The following CDH12 variants were observed in gnomAD, a reference collection of about 807,000 sequenced individuals.
CDH12 encodes cadherin 12.
Under a neutral mutation model 74.1 loss-of-function variants are expected in CDH12, and 41 were observed. The observed-to-expected ratio is 0.55, with a 90% confidence interval of 0.43 to 0.72. The LOEUF is 0.72. CDH12 is among the 30% of genes least tolerant of loss of function. The pLI is 0.00. For synonymous variants in CDH12, 399 were observed against 355.0 expected (o/e 1.12, Z -1.39); for missense variants, 945 against 977.2 (o/e 0.97, Z 0.44).
chr5:22,240,646 G>A (rs535597017), intron 3 of CDH12, among the ~76,000 whole-genome samples: 2 of 152,246 alleles, frequency 1.3e-5, no homozygotes, highest in East Asian at 1.9e-4. Flanking sequence ...TGATTCTCCA[G>A]CCTCAGCTTC....
In CDH12 at chr5:22,325,764, C is replaced by T. The variant is rs548041673; in HGVS notation, c.-333+79493G>A. On this transcript the variant is annotated intron_variant, in intron 3 of 14. Transcript: ENST00000382254. ...TCTACTAAAAATACAAAAAATTAGC[C>T]GGGCGTGGTAGCGGTCATCTGTAGT... Among the ~76,000 whole-genome samples, 48 of 152,108 alleles carry T rather than the reference C, an allele frequency of 3.2e-4. No individual in the cohort carries two copies. The South Asian group carries it at 8.1e-3, about 26-fold the overall frequency.
chr5:22,811,450 A>T (rs1749145930), intron 1 of CDH12, among the ~76,000 whole-genome samples: 1 of 152,116 alleles, frequency 6.6e-6, no homozygotes, highest in Non-Finnish European at 1.5e-5. Context: ...AGAGACTGAT[A>T]GTCATACCAC....
chr5:22,448,637 T>C (rs1002647101), intron 2 of CDH12, among the ~76,000 whole-genome samples: 2 of 152,090 alleles, frequency 1.3e-5, no homozygotes, highest in African/African-American at 4.8e-5. Context: ...CCAGATATGG[T>C]AGAATGAGGT....
At chr5:21,884,125 A>G in intron 6 of CDH12, 1 of 1,494,072 alleles carries the variant, frequency 6.7e-7, no homozygotes, top group South Asian at 1.1e-5. Flanking sequence ...GATTTTATGA[A>G]TATGGTAGAA....
At chr5:22,841,812 C>T (rs1737094653) in intron 1 of CDH12, among the ~76,000 whole-genome samples, 1 of 152,104 alleles carries the variant, frequency 6.6e-6, no homozygotes, top group Admixed American at 6.6e-5. Flanking sequence ...GTAGTCTACA[C>T]TTATGCATTT....
At chr5:22,174,929 C>G (rs367573357) in intron 4 of CDH12, among the ~76,000 whole-genome samples, 2 of 151,858 alleles carry the variant, frequency 1.3e-5, no homozygotes, top group Non-Finnish European at 1.5e-5. Flanking sequence ...ACACTAACAA[C>G]CATCTCAAGG....
chr5:22,504,907 C>T (rs1387502999), intron 2 of CDH12, among the ~76,000 whole-genome samples: 6 of 151,606 alleles, frequency 4.0e-5, no homozygotes, highest in Admixed American at 2.6e-4. Flanking sequence ...GACAAAGCAT[C>T]ATAAAAAAAC....
intron 4 of CDH12, among the ~76,000 whole-genome samples, chr5:22,088,125 G>A (rs1286763855): frequency 6.6e-6 from 1 of 152,148 alleles, no homozygotes; most frequent in Non-Finnish European, 1.5e-5. Flanking sequence ...GAATGGCAGA[G>A]TAAAGAGTTA....
chr5:21,809,587 A>C (rs1747633917), intron 9 of CDH12, among the ~76,000 whole-genome samples: 1 of 152,176 alleles, frequency 6.6e-6, no homozygotes, highest in African/African-American at 2.4e-5. Context: ...TATTTGTAGA[A>C]TCAGTAAAAC....
At chr5:22,850,566 G>A (rs1310037177) in intron 1 of CDH12, among the ~76,000 whole-genome samples, 1 of 151,898 alleles carries the variant, frequency 6.6e-6, no homozygotes, top group African/African-American at 2.4e-5. Flanking sequence ...ACACAAATAG[G>A]AATATCAATT....
chr5:22,500,640 A>T (rs1747292764), intron 2 of CDH12, among the ~76,000 whole-genome samples: 1 of 152,176 alleles, frequency 6.6e-6, no homozygotes, highest in South Asian at 2.1e-4. Context: ...AGAGGCCTTA[A>T]AAACTCTGAC....
intron 6 of CDH12, among the ~76,000 whole-genome samples, chr5:21,949,995 T>C (rs1755777487): frequency 6.6e-6 from 1 of 152,188 alleles, no homozygotes; most frequent in South Asian, 2.1e-4. Context: ...TCACTAACTC[T>C]CCCAGAGCAA....
In CDH12 at chr5:21,958,058, T is replaced by C. The variant is rs1580016705; in HGVS notation, c.526+17033A>G. Among the ~76,000 whole-genome samples the C allele has an allele frequency of 2.0e-5, 3 of 152,104 alleles. No individual in the cohort carries two copies. The South Asian group carries it at 6.2e-4, about 32-fold the overall frequency. On this transcript the variant is annotated intron_variant, in intron 6 of 14. Coordinates refer to ENST00000382254, the MANE Select transcript of CDH12 (RefSeq NM_004061.5). ...GGTTTCACCCATGCTGTTCTTGTGA[T>C]AGTGAATGAGTTCTCACGAGATCTA...
chr5:22,216,487 G>C (rs1457993342), intron 3 of CDH12, among the ~76,000 whole-genome samples: 1 of 151,908 alleles, frequency 6.6e-6, no homozygotes, highest in African/African-American at 2.4e-5. Context: ...TATCAGAACA[G>C]ACCTTGAAAA....
At chr5:22,619,753 T>C (rs1737876909) in intron 1 of CDH12, among the ~76,000 whole-genome samples, 1 of 152,028 alleles carries the variant, frequency 6.6e-6, no homozygotes, top group Non-Finnish European at 1.5e-5. Context: ...GTCTCCACTG[T>C]TTACTGGTAC....
chr5:22,496,048 A>T (rs971978433), intron 2 of CDH12, among the ~76,000 whole-genome samples: 14 of 152,204 alleles, frequency 9.2e-5, no homozygotes, highest in Non-Finnish European at 2.9e-5. Context: ...GATGCACACG[A>T]TTCTTGGACC....
chr5:21,940,708 A>G (rs1394160267), intron 6 of CDH12, among the ~76,000 whole-genome samples: 2 of 152,214 alleles, frequency 1.3e-5, no homozygotes, highest in African/African-American at 4.8e-5. Context: ...ATTGTTTCAT[A>G]TAGTATATAT....
At chr5:21,834,212 T>G (rs562692934) in intron 8 of CDH12, among the ~76,000 whole-genome samples, 25 of 151,396 alleles carry the variant, frequency 1.7e-4, no homozygotes, top group Middle Eastern at 3.4e-3. Flanking sequence ...TCCACCGAAG[T>G]GAGAGGATAC....
chr5:22,758,315 G>C (rs1746034952), intron 1 of CDH12, among the ~76,000 whole-genome samples: 1 of 152,098 alleles, frequency 6.6e-6, no homozygotes, highest in African/African-American at 2.4e-5. Context: ...ACTTTAAACT[G>C]TTCTGGCAAC....
Sources: allele counts gnomAD v4.1 joint callset (sites outside exome capture counted in the v4.1 genomes callset), GRCh38; gene constraint gnomAD v4.1.1; transcripts MANE v1.5; gene names NCBI Gene and HGNC (gene_info 2026-07-23, HGNC 2026-07-21).